Variants in HSD17B12 observed in about 807,000 individuals in gnomAD.
HSD17B12 encodes the protein very-long-chain 3-oxoacyl-CoA reductase.
Under a neutral mutation model 39.3 loss-of-function variants are expected in HSD17B12, and 32 were observed. The observed-to-expected ratio is 0.81, with a 90% CI of 0.61 to 1.09. The LOEUF is 1.09. Among genes scored for constraint, HSD17B12 ranks in the 50% least tolerant of loss-of-function variants. HSD17B12 has a pLI of 0.00. For missense variants in HSD17B12, 342 were observed against 382.9 expected (o/e 0.89, Z 0.89); for synonymous variants, 150 against 146.7 (o/e 1.02, Z -0.16).
chr11:43,604,942 C>T, the HSD17B12 span, among the ~76,000 whole-genome samples: 1 of 152,146 alleles, frequency 6.6e-6, no homozygotes, highest in South Asian at 2.1e-4. Context: ...AGTTTTAAGG[C>T]AGAGTGGTAA....
At chr11:43,650,369 C>A in the HSD17B12 span, among the ~76,000 whole-genome samples, 1 of 152,090 alleles carries the variant, frequency 6.6e-6, no homozygotes, top group Non-Finnish European at 1.5e-5. Context: ...TGAAAAGGTA[C>A]GCTCAAACTC....
chr11:43,595,917 C>A, the HSD17B12 span, among the ~76,000 whole-genome samples: 1 of 152,100 alleles, frequency 6.6e-6, no homozygotes, highest in Non-Finnish European at 1.5e-5. Context: ...TTGGTGTTTG[C>A]AAGTTGGCCT....
chr11:43,813,332 C>T (rs1414970791), intron 4 of HSD17B12, among the ~76,000 whole-genome samples: 1 of 152,072 alleles, frequency 6.6e-6, no homozygotes, highest in Non-Finnish European at 1.5e-5. Context: ...TATAATTACA[C>T]TGTTCAATTT....
At chr11:43,846,440 G>A (rs1219192749) in intron 9 of HSD17B12, among the ~76,000 whole-genome samples, 1 of 152,222 alleles carries the variant, frequency 6.6e-6, no homozygotes, top group Non-Finnish European at 1.5e-5. Context: ...GAGGCAGGCA[G>A]ATCACTTGAG....
At chr11:43,576,623 T>A in the HSD17B12 span, 1 of 152,208 alleles carries the variant, frequency 6.6e-6, no homozygotes, top group African/African-American at 2.4e-5. Flanking sequence ...TAAGTAATAT[T>A]ATGTCATGTG....
chr11:43,644,386 A>G, the HSD17B12 span: 4 of 152,298 alleles, frequency 2.6e-5, no homozygotes, highest in Admixed American at 6.5e-5. Context: ...AAGGTGGGCA[A>G]GCAGCCTGAT....
Position 43,855,217 on chromosome 11 carries a change from C to T in HSD17B12, c.908C>T (p.Ala303Val), listed in dbSNP as rs773090335. ...ATGAATATGAACAAGTCTACACGGG[C>T]TCACTATCTGAAGAAAACCAAGAAG... Reference protein sequence around the residue: ...IVMNMNKSTRAHYLKKTKKN With the variant: ...IVMNMNKSTRVHYLKKTKKN Residue 303 changes from alanine to valine, a missense_variant, in exon 11 of 11, where the codon GCT becomes GTT. Ala to Val is a moderately conservative substitution (Grantham distance 64). Coordinates refer to ENST00000278353, the MANE Select transcript of HSD17B12 (RefSeq NM_016142.3). 1.9e-6 allele frequency: 3 copies of T among 1,609,092 alleles called. No homozygotes were observed. The highest frequency in any genetic ancestry group is 3.4e-5 in the Admixed American group (2 of 59,036).
the HSD17B12 span, among the ~76,000 whole-genome samples, chr11:43,601,512 T>G: frequency 6.6e-6 from 1 of 151,978 alleles, no homozygotes; most frequent in Admixed American, 6.5e-5. Context: ...TTTTTTTTTT[T>G]TTTTTTTAAA....
the HSD17B12 span, among the ~76,000 whole-genome samples, chr11:43,563,047 A>G: frequency 6.6e-6 from 1 of 152,172 alleles, no homozygotes. Flanking sequence ...GATTCTCTGG[A>G]GGCAGGTATC....
intron 5 of HSD17B12, 55 bp downstream of exon 5, chr11:43,815,556 A>G (rs1278353494): frequency 3.7e-6 from 4 of 1,091,308 alleles, no homozygotes; most frequent in Non-Finnish European, 4.1e-6. Flanking sequence ...AGGTATTGGT[A>G]TAATGATTCA....
intron 4 of HSD17B12, among the ~76,000 whole-genome samples, chr11:43,809,724 G>A (rs1298389445): frequency 6.6e-6 from 1 of 152,168 alleles, no homozygotes; most frequent in Non-Finnish European, 1.5e-5. Context: ...GTAGGCTGAG[G>A]CAGGAGAATC....
At chr11:43,838,983 T>G (rs2135127157) in intron 8 of HSD17B12, among the ~76,000 whole-genome samples, 1 of 152,236 alleles carries the variant, frequency 6.6e-6, no homozygotes, top group South Asian at 2.1e-4. Context: ...CATTAACCTC[T>G]TCACATTACT....
chr11:43,614,737 C>T, the HSD17B12 span, among the ~76,000 whole-genome samples: 1 of 152,030 alleles, frequency 6.6e-6, no homozygotes, highest in Non-Finnish European at 1.5e-5. Context: ...AGTGTCCAAG[C>T]TGCTGTTAAA....
intron 1 of HSD17B12, among the ~76,000 whole-genome samples, chr11:43,690,849 GCTAA>G (rs1485236028): frequency 6.6e-6 from 1 of 151,990 alleles, no homozygotes; most frequent in African/African-American, 2.4e-5. Context: ...ATTAAATGGG[GCTAA>G]CTGATTTAAT....
At chr11:43,787,882 C>T (rs903945262) in intron 3 of HSD17B12, among the ~76,000 whole-genome samples, 1 of 151,980 alleles carries the variant, frequency 6.6e-6, no homozygotes, top group Non-Finnish European at 1.5e-5. Context: ...TTTTTTCTAA[C>T]TACCAAAGTG....
chr11:43,772,607 A>C (rs1242593302), intron 3 of HSD17B12, among the ~76,000 whole-genome samples: 1 of 152,224 alleles, frequency 6.6e-6, no homozygotes, highest in Non-Finnish European at 1.5e-5. Flanking sequence ...ACTGCTGCAC[A>C]GACTTTTAGG....
the HSD17B12 span, chr11:43,579,024 C>G: frequency 7.1e-6 from 1 of 140,396 alleles, no homozygotes; most frequent in Non-Finnish European, 1.5e-5. Context: ...TCATTCCGAA[C>G]TGAGAAGGAA....
At chr11:43,685,283 A>ATACTT (rs1265338390) in intron 1 of HSD17B12, among the ~76,000 whole-genome samples, 2,624 of 131,068 alleles carry the variant, frequency 0.02, 90 homozygotes, top group African/African-American at 0.068. Flanking sequence ...TCATGAAAAC[A>ATACTT]TGCATCAAAG....
rs549445994 is a variant in HSD17B12 at position 43,751,870 on chromosome 11, C to T, written c.207+913C>T. Among the ~76,000 whole-genome samples, 25 of 152,282 alleles carry T rather than the reference C, an allele frequency of 1.6e-4. 1 individual carries two copies. The highest frequency in any genetic ancestry group is 5.8e-4 in the African/African-American group (24 of 41,556). ...TCTTCTAAGAGCTAAAACATTCACC[C>T]TTACAACCCCAATACATTGGTCACA... is the stretch of plus-strand genomic sequence containing the variant. On this transcript the variant is annotated intron_variant, in intron 2 of 10. Coordinates refer to ENST00000278353, the MANE Select transcript of HSD17B12 (RefSeq NM_016142.3).
Sources: gnomAD v4.1 joint callset for allele counts (sites outside exome capture counted in the v4.1 genomes callset) on GRCh38, gnomAD v4.1.1 for gene constraint, MANE v1.5 for transcripts, NCBI Gene and HGNC (gene_info 2026-07-23, HGNC 2026-07-21) for gene names.